SAMD3: variants seen among roughly 807,000 people sequenced by gnomAD.
SAMD3 encodes the protein sterile alpha motif domain-containing protein 3.
SAMD3 carries 63 observed loss-of-function variants against 58.5 expected under a neutral mutation model. The observed-to-expected ratio is 1.08, with a 90% CI of 0.88 to 1.33. SAMD3 has a LOEUF of 1.33. SAMD3 is among the 40% of genes most tolerant of loss of function. The pLI is 0.00. For missense variants in SAMD3, 604 were observed against 608.4 expected (o/e 0.99, Z 0.08); for synonymous variants, 220 against 210.3 (o/e 1.05, Z -0.40).
intron 1 of SAMD3, among the ~76,000 whole-genome samples, chr6:130,352,668 T>G (rs1777713940): frequency 6.6e-6 from 1 of 152,182 alleles, no homozygotes; most frequent in Admixed American, 6.5e-5. Flanking sequence ...AGTGTGTCTG[T>G]GGTCTTCATG....
intron 7 of SAMD3, among the ~76,000 whole-genome samples, chr6:130,177,551 A>G (rs1791841891): frequency 6.6e-6 from 1 of 152,086 alleles, no homozygotes; most frequent in African/African-American, 2.4e-5. Context: ...CTTTGCCTTC[A>G]GGTCTCAGCT....
intron 2 of SAMD3, among the ~76,000 whole-genome samples, chr6:130,269,205 C>T (rs1281531458): frequency 6.6e-6 from 1 of 152,128 alleles, no homozygotes; most frequent in African/African-American, 2.4e-5. Flanking sequence ...CACCATTTGT[C>T]GCAAAGGCTT....
At chr6:130,351,744 C>T (rs1310423757) in intron 1 of SAMD3, among the ~76,000 whole-genome samples, 2 of 152,174 alleles carry the variant, frequency 1.3e-5, no homozygotes, top group African/African-American at 4.8e-5. Flanking sequence ...AAACATGCTG[C>T]TCTAAAGACA....
At chr6:130,180,568 C>G (rs1792214506) in intron 7 of SAMD3, among the ~76,000 whole-genome samples, 1 of 152,160 alleles carries the variant, frequency 6.6e-6, no homozygotes, top group African/African-American at 2.4e-5. Context: ...TAATCTAGAT[C>G]AGTAACTCTC....
At chr6:130,298,246 A>G (rs571220686) in intron 2 of SAMD3, among the ~76,000 whole-genome samples, 3 of 152,200 alleles carry the variant, frequency 2.0e-5, no homozygotes, top group Admixed American at 1.3e-4. Flanking sequence ...TCTTAAAGAA[A>G]AGAAAATGCT....
intron 8 of SAMD3, chr6:130,162,066 G>A: frequency 3.9e-6 from 2 of 513,716 alleles, no homozygotes; most frequent in Non-Finnish European, 6.9e-6. Context: ...TGTGACTTTA[G>A]AGGAATCAGC....
chr6:130,175,980 C>G lies in SAMD3; in HGVS notation c.683G>C (p.Arg228Pro). ...FFLWKRALKD[R>P]FKYVRRPIED... ...TATGGGTCTTCGAACATATTTAAAGCGATCTTTGAGGGCTCGTTTCCATAA... is the reference window on the plus strand; with the variant it reads ...TATGGGTCTTCGAACATATTTAAAGGGATCTTTGAGGGCTCGTTTCCATAA... Residue 228 changes from arginine (R) to proline (P), a missense_variant, in exon 8 of 12, where the codon CGC becomes CCC. Arg to Pro is a moderately radical substitution (Grantham distance 103). Coordinates refer to ENST00000439090, the MANE Select transcript of SAMD3 (RefSeq NM_001017373.4). 1 of 1,612,830 alleles carries G rather than the reference C, an allele frequency of 6.2e-7. No homozygotes were observed. The highest frequency in any genetic ancestry group is 8.5e-7 in the Non-Finnish European group (1 of 1,179,512).
chr6:130,209,931 T>C (rs1795389871), intron 4 of SAMD3, among the ~76,000 whole-genome samples: 1 of 152,242 alleles, frequency 6.6e-6, no homozygotes, highest in African/African-American at 2.4e-5. Flanking sequence ...TTTTAGCTAA[T>C]ATTCTTGTTT....
At chr6:130,244,885 C>T (rs140629678) in intron 2 of SAMD3, among the ~76,000 whole-genome samples, 2,097 of 152,214 alleles carry the variant, frequency 0.014, 45 homozygotes, top group African/African-American at 0.048. Context: ...ATGCTGGGCC[C>T]CTAGTGATCC....
chr6:130,202,125 A>C (rs917299311), intron 5 of SAMD3, among the ~76,000 whole-genome samples: 1 of 152,236 alleles, frequency 6.6e-6, no homozygotes, highest in East Asian at 1.9e-4. Flanking sequence ...TAAAGACTTA[A>C]TAATACTGTC....
intron 2 of SAMD3, among the ~76,000 whole-genome samples, chr6:130,263,530 C>T (rs1274238802): frequency 6.6e-6 from 1 of 152,174 alleles, no homozygotes; most frequent in Non-Finnish European, 1.5e-5. Flanking sequence ...CCACCCCCTC[C>T]AGAGTCGTGG....
intron 2 of SAMD3, among the ~76,000 whole-genome samples, chr6:130,257,061 T>A (rs1016541304): frequency 6.6e-6 from 1 of 152,024 alleles, no homozygotes; most frequent in Admixed American, 6.6e-5. Flanking sequence ...TGGAGAAGAG[T>A]TCTTTAAGAG....
chr6:130,251,828 AT>A (rs1773747647), intron 2 of SAMD3, among the ~76,000 whole-genome samples: 1 of 152,088 alleles, frequency 6.6e-6, no homozygotes, highest in South Asian at 2.1e-4. Flanking sequence ...ATTTTTCAAG[AT>A]TGTTTTGGCT....
intron 9 of SAMD3, among the ~76,000 whole-genome samples, chr6:130,148,379 A>G (rs1008308926): frequency 6.6e-6 from 1 of 152,250 alleles, no homozygotes; most frequent in East Asian, 1.9e-4. Flanking sequence ...AGTCGCTTCA[A>G]ACAGACTGCC....
At chr6:130,265,803 A>G (rs919015487) in intron 2 of SAMD3, among the ~76,000 whole-genome samples, 3 of 152,202 alleles carry the variant, frequency 2.0e-5, no homozygotes, top group African/African-American at 2.4e-5. Context: ...AATCACCTTG[A>G]AATTTGATGC....
chr6:130,331,271 CA>C (rs1396865898), intron 1 of SAMD3, among the ~76,000 whole-genome samples: 7 of 152,042 alleles, frequency 4.6e-5, no homozygotes, highest in Non-Finnish European at 1.0e-4. Context: ...TCCAATAATA[CA>C]AGGCAAATAA....
chr6:130,259,592 AAGATAC>A (rs1316817890), intron 2 of SAMD3, among the ~76,000 whole-genome samples: 6 of 152,240 alleles, frequency 3.9e-5, no homozygotes, highest in African/African-American at 1.4e-4. Context: ...AAATGATCAA[AAGATAC>A]AGTGAATAGA....
chr6:130,200,385 C>CA (rs397781904), intron 5 of SAMD3, among the ~76,000 whole-genome samples: 89,699 of 140,686 alleles, frequency 0.64, 28,169 homozygotes, highest in African/African-American at 0.67. Flanking sequence ...ACTAAAAATA[C>CA]AAAAAAAAAA....
At chr6:130,188,314 GGTA>G (rs1337520680) in intron 5 of SAMD3, among the ~76,000 whole-genome samples, 1 of 152,202 alleles carries the variant, frequency 6.6e-6, no homozygotes, top group African/African-American at 2.4e-5. Context: ...AACAGCAGTT[GGTA>G]GGGAGCAGAA....
Sources: allele counts gnomAD v4.1 joint callset (sites outside exome capture counted in the v4.1 genomes callset), GRCh38; gene constraint gnomAD v4.1.1; transcripts MANE v1.5; gene names NCBI Gene and HGNC (gene_info 2026-07-23, HGNC 2026-07-21).